Variants in ZCCHC4 observed in about 807,000 individuals in gnomAD.
ZCCHC4 encodes the protein zinc finger CCHC-type containing 4.
ZCCHC4 carries 54 observed loss-of-function variants against 67.7 expected under a neutral mutation model. The observed-to-expected ratio is 0.80, with a 90% confidence interval of 0.64 to 1.00. ZCCHC4 has a LOEUF of 1.00. Ranked by LOEUF, ZCCHC4 falls within the 50% of genes least tolerant of loss-of-function variation. The pLI is 0.00. For missense variants in ZCCHC4, 609 were observed against 617.0 expected (o/e 0.99, Z 0.14); for synonymous variants, 198 against 213.5 (o/e 0.93, Z 0.63).
At chr4:25,350,601 C>G (rs1199998187) in intron 7 of ZCCHC4, among the ~76,000 whole-genome samples, 1 of 152,092 alleles carries the variant, frequency 6.6e-6, no homozygotes, top group Non-Finnish European at 1.5e-5. Context: ...TTGGTACATT[C>G]ATTTTTTAGA....
chr4:25,349,122 G>A (rs1042742234), intron 6 of ZCCHC4, among the ~76,000 whole-genome samples: 1 of 152,192 alleles, frequency 6.6e-6, no homozygotes, highest in Non-Finnish European at 1.5e-5. Flanking sequence ...TGTGCCCAGT[G>A]CTTAGCACCA....
In ZCCHC4 at chr4:25,333,414, T is replaced by C; in HGVS notation, c.561T>C (p.Leu187=). The C allele has an allele frequency of 6.2e-7, 1 of 1,614,204 alleles. No individual in the cohort carries two copies. The highest frequency in any genetic ancestry group is 8.5e-7 in the Non-Finnish European group (1 of 1,180,028). Residue 187 remains leucine (L), a synonymous_variant, in exon 4 of 13, where the codon CTT becomes CTC. Transcript: ENST00000302874. ...GCTGTCAGTTCTTGGTAGACTTACT[T>C]TCTGCCCTCGGATTCAGAAGAGTAC... ...DRSCQFLVDL[L]SALGFRRVLC... is the part of the protein sequence containing the mutation.
intron 6 of ZCCHC4, among the ~76,000 whole-genome samples, chr4:25,346,511 A>G (rs2109078635): frequency 6.6e-6 from 1 of 152,338 alleles, no homozygotes; most frequent in East Asian, 1.9e-4. Context: ...GTGCTTTGAG[A>G]TATTAACTAA....
chr4:25,334,773 G>C (rs561495971), intron 5 of ZCCHC4, among the ~76,000 whole-genome samples: 2 of 152,222 alleles, frequency 1.3e-5, no homozygotes, highest in African/African-American at 4.8e-5. Context: ...TCTTGAAGGT[G>C]TTGAAGGAAT....
chr4:25,339,836 T>A (rs1469776504), intron 5 of ZCCHC4, among the ~76,000 whole-genome samples: 2 of 152,122 alleles, frequency 1.3e-5, no homozygotes, highest in Non-Finnish European at 1.5e-5. Flanking sequence ...AGTTTTATAA[T>A]TTTTGCTTTT....
intron 8 of ZCCHC4, among the ~76,000 whole-genome samples, chr4:25,361,274 T>C (rs1209668003): frequency 6.6e-6 from 1 of 152,186 alleles, no homozygotes; most frequent in Non-Finnish European, 1.5e-5. Context: ...GCTTTCTGTG[T>C]TGTTGTGTGT....
intron 6 of ZCCHC4, among the ~76,000 whole-genome samples, 169 bp from the exon 7 acceptor site, chr4:25,349,323 A>G (rs1720174064): frequency 6.6e-6 from 1 of 152,214 alleles, no homozygotes; most frequent in South Asian, 2.1e-4. Flanking sequence ...AAAATCTCAT[A>G]GGAGCAAAGA....
intron 2 of ZCCHC4, 74 bp downstream of exon 2, chr4:25,314,238 A>T: frequency 1.1e-6 from 1 of 903,956 alleles, no homozygotes; most frequent in Non-Finnish European, 1.8e-6. Context: ...GTGTAAACCA[A>T]TAAAAATATG....
intron 6 of ZCCHC4, among the ~76,000 whole-genome samples, chr4:25,348,926 C>A (rs116740689): frequency 6.6e-6 from 1 of 152,314 alleles, no homozygotes; most frequent in Non-Finnish European, 1.5e-5. Flanking sequence ...AGCATGGTTT[C>A]ATGGACCAGA....
intron 5 of ZCCHC4, among the ~76,000 whole-genome samples, chr4:25,342,319 T>C (rs1271985437): frequency 1.3e-5 from 2 of 152,184 alleles, no homozygotes; most frequent in Admixed American, 6.5e-5. Flanking sequence ...TTTTGGCACT[T>C]TGACTTTGGT....
chr4:25,319,560 T>G (rs994052190), intron 3 of ZCCHC4, among the ~76,000 whole-genome samples: 1 of 152,204 alleles, frequency 6.6e-6, no homozygotes, highest in African/African-American at 2.4e-5. Context: ...TAATCAATGT[T>G]CCTATGCTTT....
At chr4:25,330,576 T>C (rs1418176247) in intron 3 of ZCCHC4, among the ~76,000 whole-genome samples, 2 of 152,200 alleles carry the variant, frequency 1.3e-5, no homozygotes, top group African/African-American at 4.8e-5. Context: ...CTGAGAGACT[T>C]TGTGGCCTGC....
chr4:25,347,117 C>T (rs915686436), intron 6 of ZCCHC4, among the ~76,000 whole-genome samples: 7 of 152,140 alleles, frequency 4.6e-5, no homozygotes, highest in African/African-American at 1.7e-4. Flanking sequence ...GGAGTCAGGG[C>T]TGTGTCGTAG....
At chr4:25,338,685 G>A (rs1719586868) in intron 5 of ZCCHC4, among the ~76,000 whole-genome samples, 1 of 152,160 alleles carries the variant, frequency 6.6e-6, no homozygotes, top group South Asian at 2.1e-4. Context: ...CTTTCACTTA[G>A]CATAAAGTTT....
chr4:25,353,706 A>C (rs970366376), intron 8 of ZCCHC4, among the ~76,000 whole-genome samples: 3 of 152,218 alleles, frequency 2.0e-5, no homozygotes, highest in African/African-American at 7.2e-5. Flanking sequence ...GCACTTACTT[A>C]ACCCCTCTGA....
chr4:25,331,229 C>T (rs10004567), intron 3 of ZCCHC4, among the ~76,000 whole-genome samples: 1 of 152,184 alleles, frequency 6.6e-6, no homozygotes, highest in South Asian at 2.1e-4. Flanking sequence ...TATATTTTGT[C>T]TTTTTAAAAC....
chr4:25,322,312 C>T (rs1034624494), intron 3 of ZCCHC4, among the ~76,000 whole-genome samples: 1 of 152,062 alleles, frequency 6.6e-6, no homozygotes, highest in African/African-American at 2.4e-5. Context: ...AAGGAAACCT[C>T]ATGCCTGTCA....
chr4:25,365,707 A>G (rs1720914484), intron 12 of ZCCHC4: 1 of 985,216 alleles, frequency 1.0e-6, no homozygotes, highest in Non-Finnish European at 1.2e-6. Context: ...TTATTTTCAC[A>G]TCTCTCACCA....
Position 25,333,943 on chromosome 4 carries a change from A to G in ZCCHC4, c.641A>G (p.Asp214Gly). 1 of 1,606,178 alleles carries G rather than the reference A, an allele frequency of 6.2e-7. No homozygotes were observed. The highest frequency in any genetic ancestry group is 8.5e-7 in the Non-Finnish European group (1 of 1,178,358). ...CTGATCAAGTTGACAGCATCAGGTG[A>G]CAAGAAGTCTAACATTAAAAGCCTT... ...HELIKLTASG[D>G]KKSNIKSLLL... is the part of the protein sequence containing the mutation. Residue 214 changes from aspartate to glycine, a missense_variant, in exon 5 of 13, where the codon GAC (aspartate) becomes GGC (glycine). Asp to Gly is a moderately conservative substitution (Grantham distance 94, BLOSUM62 -1). Coordinates refer to ENST00000302874, the MANE Select transcript of ZCCHC4 (RefSeq NM_024936.3).
Sources: allele counts gnomAD v4.1 joint callset (sites outside exome capture counted in the v4.1 genomes callset), GRCh38; gene constraint gnomAD v4.1.1; transcripts MANE v1.5; gene names NCBI Gene and HGNC (gene_info 2026-07-23, HGNC 2026-07-21).